Variants in RIT2 observed in about 807,000 individuals in gnomAD.
RIT2 encodes the protein GTP-binding protein Rit2.
A neutral mutation model predicts 23.7 loss-of-function variants in RIT2; 24 were observed. The ratio of observed to expected loss-of-function variants is 1.01; its 90% CI spans 0.73 to 1.43. RIT2 has a LOEUF of 1.43. Among genes scored for constraint, RIT2 ranks in the 40% most tolerant of loss-of-function variants. The pLI, the probability that RIT2 is intolerant of heterozygous loss-of-function variation, is 0.00. For synonymous variants in RIT2, 107 were observed against 91.1 expected (o/e 1.17, Z -0.99); for missense variants, 236 against 266.9 (o/e 0.88, Z 0.81).
intron 4 of RIT2, among the ~76,000 whole-genome samples, chr18:42,909,534 A>G (rs894666078): frequency 1.3e-5 from 2 of 152,128 alleles, no homozygotes; most frequent in Admixed American, 6.6e-5. Context: ...TCACCCTAAT[A>G]CAATAAAACA....
intron 4 of RIT2, chr18:42,920,868 T>C: frequency 2.7e-6 from 2 of 748,198 alleles, no homozygotes; most frequent in Non-Finnish European, 4.5e-6. Flanking sequence ...TTTATCACTC[T>C]AGGAATTCTC....
intron 4 of RIT2, among the ~76,000 whole-genome samples, chr18:42,838,608 T>A (rs1186197479): frequency 6.6e-6 from 1 of 152,160 alleles, no homozygotes; most frequent in Non-Finnish European, 1.5e-5. Context: ...ACATAGCTAC[T>A]AAGAGGCAGC....
At chr18:42,915,430 G>A (rs937111316) in intron 4 of RIT2, among the ~76,000 whole-genome samples, 3 of 151,922 alleles carry the variant, frequency 2.0e-5, no homozygotes, top group Admixed American at 6.6e-5. Context: ...TTGTAATATT[G>A]GATTCCATTT....
chr18:43,115,562 C>T lies in RIT2; in HGVS notation c.-43G>A. 1.3e-6 allele frequency: 2 copies of T among 1,594,908 alleles called. No individual in the cohort carries two copies. Among genetic ancestry groups the T allele is most frequent in the South Asian group, 2.3e-5 (2 of 88,350 alleles). The stretch of plus-strand genomic sequence containing the variant: ...AGGAAAAAAAGAAGGAGAAAGTCAC[C>T]CGTGTCAGGTGCTTGCTCGAATATT... On this transcript the variant is annotated 5_prime_UTR_variant, in exon 1 of 5. Coordinates refer to ENST00000326695, the MANE Select transcript of RIT2 (RefSeq NM_002930.4).
chr18:43,035,015 C>G (rs557771973), intron 1 of RIT2, among the ~76,000 whole-genome samples: 2 of 152,270 alleles, frequency 1.3e-5, no homozygotes, highest in African/African-American at 4.8e-5. Context: ...GGAAATAGTT[C>G]CTGGATTAAA....
At chr18:42,835,660 A>C (rs1906579926) in intron 4 of RIT2, among the ~76,000 whole-genome samples, 1 of 152,138 alleles carries the variant, frequency 6.6e-6, no homozygotes. Flanking sequence ...AATGTAAAGA[A>C]ATTAATGCAT....
intron 4 of RIT2, among the ~76,000 whole-genome samples, chr18:42,828,360 G>C (rs545198785): frequency 3.9e-5 from 6 of 152,276 alleles, no homozygotes; most frequent in African/African-American, 1.4e-4. Context: ...CCATTACTTG[G>C]AGCATCAGCA....
chr18:43,023,052 T>TAG (rs1371126462), intron 2 of RIT2, among the ~76,000 whole-genome samples: 1 of 152,076 alleles, frequency 6.6e-6, no homozygotes, highest in Non-Finnish European at 1.5e-5. Context: ...TATGCATTCT[T>TAG]AGTATGACGT....
At chr18:43,055,303 A>G (rs1568068790) in intron 1 of RIT2, among the ~76,000 whole-genome samples, 1 of 152,146 alleles carries the variant, frequency 6.6e-6, no homozygotes, top group Non-Finnish European at 1.5e-5. Context: ...TCTCCTCCAG[A>G]GACGTGGCCT....
chr18:43,074,385 G>A, intron 1 of RIT2, among the ~76,000 whole-genome samples: 1 of 152,054 alleles, frequency 6.6e-6, no homozygotes. Flanking sequence ...TGTACAAATG[G>A]TTCTGTAACT....
chr18:42,969,486 T>A (rs1350587584), intron 3 of RIT2, among the ~76,000 whole-genome samples: 2 of 152,146 alleles, frequency 1.3e-5, no homozygotes, highest in African/African-American at 4.8e-5. Flanking sequence ...AATTTATTCA[T>A]TTCACAGATG....
intron 4 of RIT2, among the ~76,000 whole-genome samples, chr18:42,890,866 G>C (rs1908153518): frequency 2.0e-5 from 3 of 152,036 alleles, no homozygotes; most frequent in Non-Finnish European, 4.4e-5. Context: ...TTAGGGAATA[G>C]GACAGTTGAT....
chr18:42,772,667 G>C (rs1395409392), intron 4 of RIT2, among the ~76,000 whole-genome samples: 1 of 152,164 alleles, frequency 6.6e-6, no homozygotes, highest in Non-Finnish European at 1.5e-5. Context: ...CTGATGTAGA[G>C]CTCCTAATAA....
chr18:42,833,827 A>T (rs529205926), intron 4 of RIT2, among the ~76,000 whole-genome samples: 2 of 151,526 alleles, frequency 1.3e-5, no homozygotes, highest in African/African-American at 4.8e-5. Context: ...GAAGAAAAAC[A>T]AAGAAAAATA....
At chr18:42,798,888 C>A (rs1905446549) in intron 4 of RIT2, among the ~76,000 whole-genome samples, 1 of 152,166 alleles carries the variant, frequency 6.6e-6, no homozygotes, top group South Asian at 2.1e-4. Context: ...CATAAAGAAC[C>A]CTCCCCTCAG....
chr18:42,797,062 G>T (rs1905386393), intron 4 of RIT2, among the ~76,000 whole-genome samples: 2 of 152,058 alleles, frequency 1.3e-5, no homozygotes, highest in Admixed American at 6.6e-5. Context: ...ATTATTAAGA[G>T]AATTAAATAA....
intron 2 of RIT2, among the ~76,000 whole-genome samples, chr18:43,005,428 GAAACT>G (rs1214689813): frequency 6.6e-6 from 1 of 151,710 alleles, no homozygotes; most frequent in Non-Finnish European, 1.5e-5. Context: ...TTTGAGAATG[GAAACT>G]AATGTGTTTG....
intron 1 of RIT2, among the ~76,000 whole-genome samples, chr18:43,080,655 A>G (rs952148918): frequency 5.3e-5 from 8 of 152,170 alleles, no homozygotes; most frequent in Non-Finnish European, 1.0e-4. Context: ...TTATTTTCCA[A>G]AACCCACTAT....
intron 1 of RIT2, among the ~76,000 whole-genome samples, chr18:43,075,483 C>T (rs1392441014): frequency 6.6e-6 from 1 of 152,102 alleles, no homozygotes; most frequent in Non-Finnish European, 1.5e-5. Flanking sequence ...CTGTGAGAGG[C>T]TTCGATACAA....
Sources: allele counts gnomAD v4.1 joint callset (sites outside exome capture counted in the v4.1 genomes callset), GRCh38; gene constraint gnomAD v4.1.1; transcripts MANE v1.5; gene names NCBI Gene and HGNC (gene_info 2026-07-23, HGNC 2026-07-21).